The following MZT2A variants were observed in gnomAD, a reference collection of about 807,000 sequenced individuals.
MZT2A encodes the protein mitotic-spindle organizing protein 2A.
Under a neutral mutation model 12.4 loss-of-function variants are expected in MZT2A, and 8 were observed. That is an observed-to-expected ratio of 0.64 (90% confidence interval 0.38 to 1.16). The LOEUF (loss-of-function observed/expected upper bound fraction) is 1.16, where lower values mean the gene tolerates loss of function less well. MZT2A is among the 50% of genes most tolerant of loss of function. MZT2A has a pLI of 0.01. For synonymous variants in MZT2A, 88 were observed against 107.5 expected (o/e 0.82, Z 1.12); for missense variants, 181 against 223.6 (o/e 0.81, Z 1.22).
At chr2:131,490,843 C>T (rs796798805) in intron 2 of MZT2A, 1 of 1,549,934 alleles carries the variant, frequency 6.5e-7, no homozygotes. Context: ...TGGAGGAAAA[C>T]GAGGGCCTTG....
exon 4 of MZT2A, chr2:131,470,288 G>C: frequency 8.8e-7 from 1 of 1,136,424 alleles, no homozygotes; most frequent in South Asian, 1.3e-5. Context: ...CTGCTGATGG[G>C]CATCTTTCAG....
intron 2 of MZT2A, among the ~76,000 whole-genome samples, chr2:131,484,970 G>C (rs1678997876): frequency 6.6e-6 from 1 of 152,158 alleles, no homozygotes; most frequent in African/African-American, 2.4e-5. Flanking sequence ...ACCACACTCG[G>C]GCCAGAGCTT....
chr2:131,473,804 C>A (rs866658495), intron 2 of MZT2A, among the ~76,000 whole-genome samples: 104 of 147,224 alleles, frequency 7.1e-4, no homozygotes, highest in Admixed American at 1.3e-3. Context: ...TATTGGGTCC[C>A]GACTCTGCTC....
intron 2 of MZT2A, chr2:131,472,279 T>C: frequency 9.3e-7 from 1 of 1,072,596 alleles, no homozygotes; most frequent in Non-Finnish European, 1.2e-6. Flanking sequence ...AATGATTTAA[T>C]AATTCACAGG....
At chr2:131,469,870 C>G (rs1704946328) in intron 4 of MZT2A, 1 of 159,590 alleles carries the variant, frequency 6.3e-6, no homozygotes, top group South Asian at 1.7e-4. Context: ...GTGGCATGAT[C>G]TTGGCTCACT....
chr2:131,489,864 C>G (rs1426325748), intron 2 of MZT2A: 1 of 968,174 alleles, frequency 1.0e-6, no homozygotes, highest in Non-Finnish European at 1.2e-6. Flanking sequence ...GATCATCTCA[C>G]TTCCCTGCCA....
intron 2 of MZT2A, chr2:131,476,212 G>A (rs7561684): frequency 0.1 from 160,834 of 1,612,102 alleles, 12,711 homozygotes; most frequent in African/African-American, 0.42. Flanking sequence ...GGTAAGGCCC[G>A]GGTCACTCCC....
At chr2:131,487,538 A>G (rs12996885) in intron 2 of MZT2A, among the ~76,000 whole-genome samples, 1,948 of 152,362 alleles carry the variant, frequency 0.013, 13 homozygotes, top group Middle Eastern at 0.037. Flanking sequence ...ACTTTAATTA[A>G]TCTAAAATAT....
upstream of MZT2A, chr2:131,493,013 G>A (rs951477148): frequency 2.0e-6 from 3 of 1,496,652 alleles, no homozygotes; most frequent in African/African-American, 2.8e-5. Flanking sequence ...ACGGCCCAAA[G>A]AGGTAGAAGC....
chr2:131,492,413 G>A (rs1679372205), upstream of MZT2A: 4 of 1,218,158 alleles, frequency 3.3e-6, no homozygotes, highest in Non-Finnish European at 4.1e-6. Flanking sequence ...CCGCCCCGCC[G>A]CGCCCCCTAG....
intron 2 of MZT2A, among the ~76,000 whole-genome samples, chr2:131,475,489 A>C (rs12473471): frequency 0.41 from 62,701 of 151,252 alleles, 15,048 homozygotes; most frequent in East Asian, 0.75. Context: ...ACCACCAGCC[A>C]GGGTAATTTT....
At chr2:131,479,212 C>A (rs1573859067), downstream of MZT2A, 9 of 1,514,520 alleles carry the variant, frequency 5.9e-6, no homozygotes, top group Non-Finnish European at 8.0e-6. Flanking sequence ...GTACTTTGAA[C>A]AGCATGTGCT....
upstream of MZT2A, among the ~76,000 whole-genome samples, chr2:131,493,518 C>T (rs118059037): frequency 7.8e-4 from 119 of 152,228 alleles, 1 homozygote; most frequent in East Asian, 0.019. Flanking sequence ...CTGTGCGCTC[C>T]ACATCTCCGA....
At chr2:131,484,822 G>A (rs984138182) in intron 2 of MZT2A, among the ~76,000 whole-genome samples, 4 of 152,170 alleles carry the variant, frequency 2.6e-5, no homozygotes, top group African/African-American at 9.7e-5. Context: ...CCATGACAGG[G>A]TTCCTGCCAC....
rs1012077989 is a variant in MZT2A at position 131,491,039 on chromosome 2, G to A, written c.319+837C>T. 31 of 1,262,374 alleles carry A rather than the reference G, an allele frequency of 2.5e-5. No homozygotes were observed. In the Middle Eastern group the frequency reaches 5.5e-4, roughly 22 times the overall value. 78.2% of individuals were successfully genotyped at this position (1,262,374 alleles called of 1,614,324 possible). On this transcript the variant is annotated intron_variant, in intron 2 of 2. Coordinates refer to ENST00000309451, the MANE Select transcript of MZT2A (RefSeq NM_001085365.2). ...CCCATGAAGGCAGCCTGCTTTCCAC[G>A]CCTTCTCATGATGCCTGTGAGGGTC...
At chr2:131,470,502 T>C (rs1159256170) in intron 3 of MZT2A, among the ~76,000 whole-genome samples, 2 of 151,592 alleles carry the variant, frequency 1.3e-5, no homozygotes, top group African/African-American at 2.4e-5. Context: ...AAAAGCCCTG[T>C]GCTCACCTCA....
upstream of MZT2A, among the ~76,000 whole-genome samples, chr2:131,493,658 C>T (rs1175433917): frequency 2.0e-5 from 3 of 151,012 alleles, no homozygotes; most frequent in Admixed American, 2.0e-4. Flanking sequence ...AGGGCTGTCG[C>T]TGTCAGAAAA....
At chr2:131,472,880 C>T (rs1483882204) in intron 2 of MZT2A, among the ~76,000 whole-genome samples, 6 of 151,634 alleles carry the variant, frequency 4.0e-5, no homozygotes, top group African/African-American at 9.8e-5. Flanking sequence ...TGGTTGGAGC[C>T]TTGAGGAAGG....
At chr2:131,482,907 T>C (rs1455707415), downstream of MZT2A, 3 of 1,574,168 alleles carry the variant, frequency 1.9e-6, no homozygotes, top group Non-Finnish European at 2.6e-6. Flanking sequence ...CCAAGTTGTT[T>C]GCAATTAAAG....
Sources: gnomAD v4.1 joint callset for allele counts (sites outside exome capture counted in the v4.1 genomes callset) on GRCh38, gnomAD v4.1.1 for gene constraint, MANE v1.5 for transcripts, NCBI Gene and HGNC (gene_info 2026-07-23, HGNC 2026-07-21) for gene names.